Variants in WNT2 observed in about 807,000 individuals in gnomAD.
WNT2 encodes Wnt family member 2, also known as protein Wnt-2.
WNT2 carries 12 observed loss-of-function variants against 36.9 expected under a neutral mutation model. The observed-to-expected ratio is 0.33, with a 90% CI of 0.21 to 0.53. The LOEUF is 0.53. Ranked by LOEUF, WNT2 falls within the 20% of genes least tolerant of loss-of-function variation. WNT2 has a pLI of 0.95. For missense variants in WNT2, 379 were observed against 473.1 expected (o/e 0.80, Z 1.84); for synonymous variants, 163 against 174.6 (o/e 0.93, Z 0.52).
At chr7:117,281,407 T>G (rs1794487111) in intron 4 of WNT2, among the ~76,000 whole-genome samples, 1 of 151,960 alleles carries the variant, frequency 6.6e-6, no homozygotes, top group Non-Finnish European at 1.5e-5. Context: ...CCAGCTAATT[T>G]TTGTATCTTC....
chr7:117,295,427 C>A (rs1020982971), intron 4 of WNT2, among the ~76,000 whole-genome samples: 1 of 152,014 alleles, frequency 6.6e-6, no homozygotes, highest in African/African-American at 2.4e-5. Flanking sequence ...AAGCGGAGTA[C>A]GCAAGAATAA....
intron 3 of WNT2, among the ~76,000 whole-genome samples, chr7:117,298,973 C>T (rs754596816): frequency 3.1e-4 from 47 of 152,188 alleles, no homozygotes; most frequent in Non-Finnish European, 5.4e-4. Context: ...CCCCCACCTC[C>T]GTTGTGGATG....
At chr7:117,321,436 A>T (rs1216304598) in intron 1 of WNT2, among the ~76,000 whole-genome samples, 2 of 152,206 alleles carry the variant, frequency 1.3e-5, no homozygotes, top group African/African-American at 2.4e-5. Flanking sequence ...AAGGACACTA[A>T]ATGTTTGGAA....
At position 117,277,117 on chromosome 7, in the gene WNT2, G is replaced by A. The variant is rs529406874; in HGVS notation, c.*1038C>T. The A allele has an allele frequency of 6.6e-6, 1 of 152,570 alleles. No individual in the cohort carries two copies. The highest frequency in any genetic ancestry group is 2.4e-5 in the African/African-American group (1 of 41,458). The allele number at this position is 152,570 out of a possible 1,614,324, so 9.5% of individuals were successfully genotyped here. A position where few individuals can be genotyped will look rare whatever the true frequency, so the allele number is the denominator to read the frequency against. The stretch of plus-strand genomic sequence containing the variant: ...TATTGTAAGGCCGCCCCAGGCACGA[G>A]TTAGCTCTGGAAACCTCTCTGTCAG... On this transcript the variant is annotated 3_prime_UTR_variant, in exon 5 of 5. Transcript: ENST00000265441.
chr7:117,321,035 C>T (rs928421543), intron 1 of WNT2, among the ~76,000 whole-genome samples: 1 of 152,194 alleles, frequency 6.6e-6, no homozygotes, highest in Non-Finnish European at 1.5e-5. Flanking sequence ...GTCTGTTGGA[C>T]ATGAAGCTAG....
rs149386521 is a variant in WNT2, at chr7:117,312,701, G to T, written c.588+2370C>A. On this transcript the variant is annotated intron_variant, in intron 3 of 4. Coordinates refer to ENST00000265441, the MANE Select transcript of WNT2 (RefSeq NM_003391.3). The stretch of plus-strand genomic sequence containing the variant: ...AGCATTTAAGTAAACATGAAAGAAA[G>T]AAATCATTATGAATTCTGCTGAAAC... Among the ~76,000 whole-genome samples the T allele has an allele frequency of 7.1e-3, 1,087 of 152,274 alleles. 9 individuals are homozygous for T. Among genetic ancestry groups the T allele is most frequent in the South Asian group, 0.032 (155 of 4,822 alleles).
chr7:117,308,182 A>G (rs1006675703), intron 3 of WNT2, among the ~76,000 whole-genome samples: 3 of 152,244 alleles, frequency 2.0e-5, no homozygotes, highest in Non-Finnish European at 4.4e-5. Flanking sequence ...TGGAACTAAG[A>G]AGAAAAATTT....
chr7:117,289,309 C>G (rs935651342), intron 4 of WNT2, among the ~76,000 whole-genome samples: 1 of 152,112 alleles, frequency 6.6e-6, no homozygotes, highest in South Asian at 2.1e-4. Context: ...CCTCCTGCCT[C>G]GGCCTCCCAA....
chr7:117,281,282 G>A lies in WNT2; in HGVS notation c.854-2898C>T, dbSNP rs117189804. ...AGACAGGGTCTCACTCTGTCACCCAGGCTTGAGGGCAGTGGCACGAACATG... is the reference window on the plus strand; with the variant it reads ...AGACAGGGTCTCACTCTGTCACCCAAGCTTGAGGGCAGTGGCACGAACATG... On this transcript the variant is annotated intron_variant, in intron 4 of 4. Transcript: ENST00000265441. Among the ~76,000 whole-genome samples the A allele has an allele frequency of 4.7e-3, 711 of 152,260 alleles. 29 individuals are homozygous for A. The East Asian group carries it at 0.071, about 15-fold the overall frequency.
At chr7:117,303,503 C>T (rs970861356) in intron 3 of WNT2, among the ~76,000 whole-genome samples, 1 of 152,040 alleles carries the variant, frequency 6.6e-6, no homozygotes, top group Non-Finnish European at 1.5e-5. Flanking sequence ...CAGGCTATAG[C>T]GGCAGGATAC....
chr7:117,307,850 C>T (rs924955825), intron 3 of WNT2, among the ~76,000 whole-genome samples: 22 of 152,170 alleles, frequency 1.4e-4, no homozygotes, highest in Non-Finnish European at 2.4e-4. Context: ...AACAACTTGT[C>T]TTAGAAATCC....
At chr7:117,286,944 T>G (rs966016864) in intron 4 of WNT2, among the ~76,000 whole-genome samples, 1 of 152,210 alleles carries the variant, frequency 6.6e-6, no homozygotes, top group African/African-American at 2.4e-5. Context: ...CATAGCCTAC[T>G]CAAAGCTATT....
chr7:117,294,869 T>A (rs1489876393), intron 4 of WNT2, among the ~76,000 whole-genome samples: 1 of 152,148 alleles, frequency 6.6e-6, no homozygotes, highest in Non-Finnish European at 1.5e-5. Context: ...GGCAGGTGGA[T>A]CACTTGAGGT....
chr7:117,293,752 G>A (rs149982863), intron 4 of WNT2, among the ~76,000 whole-genome samples: 1,822 of 152,140 alleles, frequency 0.012, 20 homozygotes, highest in African/African-American at 0.017. Context: ...GTGGGGTTGG[G>A]GGCCTCGGTG....
chr7:117,280,702 C>T (rs1794466541), intron 4 of WNT2, among the ~76,000 whole-genome samples: 1 of 152,228 alleles, frequency 6.6e-6, no homozygotes, highest in Admixed American at 6.5e-5. Flanking sequence ...TGTTAAGCTT[C>T]AGTTTCCTCC....
At chr7:117,310,039 C>T (rs941573727) in intron 3 of WNT2, among the ~76,000 whole-genome samples, 1 of 152,076 alleles carries the variant, frequency 6.6e-6, no homozygotes, top group Non-Finnish European at 1.5e-5. Flanking sequence ...CTCAGCCTCC[C>T]CAGTAGCTGG....
At chr7:117,295,129 CGAGAT>C (rs939249731) in intron 4 of WNT2, among the ~76,000 whole-genome samples, 2 of 148,844 alleles carry the variant, frequency 1.3e-5, no homozygotes, top group African/African-American at 4.9e-5. Context: ...CGAGACGAGA[CGAGAT>C]GAGATGAGAC....
At chr7:117,303,958 C>T (rs758984225) in intron 3 of WNT2, among the ~76,000 whole-genome samples, 2 of 152,220 alleles carry the variant, frequency 1.3e-5, no homozygotes, top group African/African-American at 2.4e-5. Context: ...CTTGTGCCAA[C>T]CAGGACTGGC....
In WNT2 at chr7:117,278,387, G is replaced by A; in HGVS notation, c.854-3C>T. ...ACGGCCTGCTGTACCCAGGGAGCCT[G>A]GAAGACAAGCCAGGGAGTGTTACTG... On this transcript the variant is annotated splice_region_variant and splice_polypyrimidine_tract_variant and intron_variant, in intron 4 of 4. Coordinates refer to ENST00000265441, the MANE Select transcript of WNT2 (RefSeq NM_003391.3). 2 of 1,612,074 alleles carry A rather than the reference G, an allele frequency of 1.2e-6. No homozygotes were observed. Among genetic ancestry groups the A allele is most frequent in the South Asian group, 1.1e-5 (1 of 90,726 alleles).
Sources: gnomAD v4.1 joint callset for allele counts (sites outside exome capture counted in the v4.1 genomes callset) on GRCh38, gnomAD v4.1.1 for gene constraint, MANE v1.5 for transcripts, NCBI Gene and HGNC (gene_info 2026-07-23, HGNC 2026-07-21) for gene names.